CPNE4: variants seen among roughly 807,000 people sequenced by gnomAD.
The protein encoded by CPNE4 is copine 4.
Under a neutral mutation model 67.9 loss-of-function variants are expected in CPNE4, and 25 were observed. That is an observed-to-expected ratio of 0.37 (90% CI 0.27 to 0.51). The LOEUF (loss-of-function observed/expected upper bound fraction) is 0.51. CPNE4 is among the 20% of genes least tolerant of loss of function. CPNE4 has a pLI of 0.93. For missense variants in CPNE4, 464 were observed against 690.8 expected, an observed-to-expected ratio of 0.67 and a Z score of 3.68; for synonymous variants, 242 against 244.9, an observed-to-expected ratio of 0.99 and a Z score of 0.11.
chr3:131,659,054 A>G (rs190465321), intron 7 of CPNE4, among the ~76,000 whole-genome samples: 7 of 152,334 alleles, frequency 4.6e-5, no homozygotes, highest in Non-Finnish European at 1.0e-4. Flanking sequence ...CAAAAATGAA[A>G]ATTGAGATCT....
intron 2 of CPNE4, among the ~76,000 whole-genome samples, chr3:131,829,746 G>C (rs139368302): frequency 6.6e-6 from 1 of 152,298 alleles, no homozygotes; most frequent in African/African-American, 2.4e-5. Context: ...ACAAGAGGAT[G>C]GGGAAACATT....
At chr3:131,846,562 G>A (rs1026751836) in intron 2 of CPNE4, among the ~76,000 whole-genome samples, 3 of 152,142 alleles carry the variant, frequency 2.0e-5, no homozygotes, top group Non-Finnish European at 2.9e-5. Context: ...TAGTAAGAGT[G>A]GTGCTAAGGG....
At chr3:131,541,965 C>G (rs1023100085) in intron 15 of CPNE4, among the ~76,000 whole-genome samples, 1 of 152,138 alleles carries the variant, frequency 6.6e-6, no homozygotes, top group African/African-American at 2.4e-5. Context: ...GCCACTGCAC[C>G]CAGCCTTATA....
rs149625099 is a variant in CPNE4 at position 131,981,761 on chromosome 3, T to A, written c.-2+52806A>T. 7.1e-4 allele frequency among the ~76,000 whole-genome samples: 108 copies of A among 152,326 alleles called. No individual in the cohort carries two copies. The East Asian group carries it at 0.013, about 19-fold the overall frequency. On this transcript the variant is annotated intron_variant, in intron 1 of 15. Coordinates refer to ENST00000429747, the MANE Select transcript of CPNE4 (RefSeq NM_130808.3). ...ACCCAGCAAGCTCCCAGGGCCTTTC[T>A]GCTGCTTCCTCTACCCCTGTATTTC...
chr3:132,035,631 T>C (rs2074326181), upstream of CPNE4, among the ~76,000 whole-genome samples: 1 of 152,214 alleles, frequency 6.6e-6, no homozygotes, highest in Non-Finnish European at 1.5e-5. Flanking sequence ...TCCACATGTT[T>C]TAAAGCACTT....
chr3:131,751,112 A>G (rs1005761855), intron 2 of CPNE4, among the ~76,000 whole-genome samples: 2 of 151,970 alleles, frequency 1.3e-5, no homozygotes, highest in African/African-American at 4.8e-5. Context: ...ATTAATTATG[A>G]TGTATCTTGG....
chr3:131,761,210 C>A (rs951821567), intron 2 of CPNE4, among the ~76,000 whole-genome samples: 2 of 119,462 alleles, frequency 1.7e-5, no homozygotes, highest in African/African-American at 6.4e-5. Context: ...TCACTTCGTA[C>A]TTTTTTTTTT....
chr3:131,657,046 A>G (rs1042984545), intron 7 of CPNE4, among the ~76,000 whole-genome samples: 3 of 152,218 alleles, frequency 2.0e-5, no homozygotes, highest in African/African-American at 7.2e-5. Flanking sequence ...ATACTTAATC[A>G]TTATTTAACA....
chr3:131,874,094 CTT>C (rs11398327), intron 2 of CPNE4, among the ~76,000 whole-genome samples: 2 of 145,828 alleles, frequency 1.4e-5, no homozygotes. Context: ...TGTTTCTTTT[CTT>C]TTTTTTTTTT....
intron 1 of CPNE4, among the ~76,000 whole-genome samples, chr3:131,937,488 G>T (rs1482631873): frequency 6.6e-6 from 1 of 152,150 alleles, no homozygotes; most frequent in Non-Finnish European, 1.5e-5. Flanking sequence ...CAGATATATT[G>T]TAATTTGGAG....
At chr3:131,696,707 A>T in intron 4 of CPNE4, 91 bp from the exon 5 acceptor site, 1 of 1,152,486 alleles carries the variant, frequency 8.7e-7, no homozygotes, top group Non-Finnish European at 1.3e-6. Context: ...TTGGTTCAAA[A>T]CTCAACAAAG....
At chr3:131,592,640 T>A (rs1938609882) in intron 7 of CPNE4, among the ~76,000 whole-genome samples, 1 of 149,292 alleles carries the variant, frequency 6.7e-6, no homozygotes, top group Admixed American at 6.7e-5. Context: ...CACACACATA[T>A]ATATGTATAT....
chr3:131,608,775 C>G (rs59240297), intron 7 of CPNE4, among the ~76,000 whole-genome samples: 4,268 of 152,216 alleles, frequency 0.028, 64 homozygotes, highest in Middle Eastern at 0.051. Flanking sequence ...ATCAACAGAA[C>G]TAGGAAGAAG....
At chr3:131,848,702 C>A (rs887632094) in intron 2 of CPNE4, among the ~76,000 whole-genome samples, 5 of 150,600 alleles carry the variant, frequency 3.3e-5, no homozygotes, top group Non-Finnish European at 5.9e-5. Flanking sequence ...TTGCGCTCAA[C>A]CCCAATTTGG....
intron 1 of CPNE4, among the ~76,000 whole-genome samples, chr3:132,013,435 C>G (rs1028878875): frequency 6.6e-6 from 1 of 152,170 alleles, no homozygotes; most frequent in Non-Finnish European, 1.5e-5. Flanking sequence ...CAGGAAACCT[C>G]TGCTCATCCG....
chr3:131,728,825 G>A (rs1186864822), intron 2 of CPNE4, among the ~76,000 whole-genome samples: 1 of 150,014 alleles, frequency 6.7e-6, no homozygotes, highest in Non-Finnish European at 1.5e-5. Context: ...CGGGAGAATG[G>A]CGTGAACCCG....
At chr3:131,627,238 C>G (rs1243148480) in intron 7 of CPNE4, among the ~76,000 whole-genome samples, 1 of 150,930 alleles carries the variant, frequency 6.6e-6, no homozygotes, top group Non-Finnish European at 1.5e-5. Context: ...AAGAATTATG[C>G]TAAATCTACT....
chr3:131,796,426 T>C (rs1289390976), intron 2 of CPNE4, among the ~76,000 whole-genome samples: 1 of 152,198 alleles, frequency 6.6e-6, no homozygotes, highest in Non-Finnish European at 1.5e-5. Flanking sequence ...ATTCTGGGCC[T>C]GCTCCCTCAG....
intron 2 of CPNE4, among the ~76,000 whole-genome samples, chr3:131,776,100 C>T (rs184488912): frequency 4.6e-5 from 7 of 152,226 alleles, no homozygotes; most frequent in East Asian, 3.9e-4. Context: ...CTCTCCTTCC[C>T]GGCTTACCCT....
Sources: allele counts gnomAD v4.1 joint callset (sites outside exome capture counted in the v4.1 genomes callset), GRCh38; gene constraint gnomAD v4.1.1; transcripts MANE v1.5; gene names NCBI Gene and HGNC (gene_info 2026-07-23, HGNC 2026-07-21).